The following NUMB variants were observed in gnomAD, a reference collection of about 807,000 sequenced individuals.
NUMB encodes protein numb homolog.
In NUMB, 29 loss-of-function variants were observed where a neutral mutation model predicts 59.7. The observed-to-expected ratio is 0.49, with a 90% CI of 0.36 to 0.66. The LOEUF (loss-of-function observed/expected upper bound fraction) is 0.66. Among genes scored for constraint, NUMB ranks in the 30% least tolerant of loss-of-function variants. NUMB has a pLI of 0.00. For missense variants in NUMB, 723 were observed against 822.0 expected (o/e 0.88, Z 1.47); for synonymous variants, 288 against 288.2 (o/e 1.00, Z 0.01).
At chr14:73,289,017 C>G (rs777159679) in intron 8 of NUMB, among the ~76,000 whole-genome samples, 27 of 152,134 alleles carry the variant, frequency 1.8e-4, no homozygotes, top group Non-Finnish European at 3.7e-4. Flanking sequence ...CATAATGAGA[C>G]CCTGTCTCAA....
intron 1 of NUMB, among the ~76,000 whole-genome samples, chr14:73,424,810 T>G (rs1897511899): frequency 6.6e-6 from 1 of 152,230 alleles, no homozygotes. Flanking sequence ...AAAAACTAAT[T>G]TAACTGACCG....
At chr14:73,325,904 T>C (rs569097685) in intron 4 of NUMB, among the ~76,000 whole-genome samples, 2 of 152,266 alleles carry the variant, frequency 1.3e-5, no homozygotes, top group Non-Finnish European at 2.9e-5. Flanking sequence ...TGCCTCTCTG[T>C]TTGGTAGAAT....
Position 73,323,112 on chromosome 14 carries a change from C to T in NUMB, c.201+18G>A. On this transcript the variant is annotated intron_variant, in intron 5 of 12. Coordinates refer to ENST00000555238, the MANE Select transcript of NUMB (RefSeq NM_001005743.2). ...TTGATAGCATATAGATCAACACTGG[C>T]AACCATCAAATACATACAGCTTTCA... The T allele has an allele frequency of 6.3e-7, 1 of 1,591,796 alleles. No homozygotes were observed. Among genetic ancestry groups the T allele is most frequent in the Non-Finnish European group, 8.6e-7 (1 of 1,160,916 alleles).
At chr14:73,366,850 T>C (rs1894367700) in intron 3 of NUMB, 47 bp downstream of exon 3, 1 of 152,216 alleles carries the variant, frequency 6.6e-6, no homozygotes, top group Admixed American at 6.5e-5. Flanking sequence ...ACTTCACAGC[T>C]ATTTCAGATT....
At chr14:73,327,717 T>C (rs1298117217) in intron 4 of NUMB, among the ~76,000 whole-genome samples, 1 of 152,192 alleles carries the variant, frequency 6.6e-6, no homozygotes, top group Admixed American at 6.5e-5. Flanking sequence ...CTAGCTCATA[T>C]ACATGGTCCT....
rs535226209 is a variant in NUMB at position 73,358,984 on chromosome 14, T to C, written c.-15-3218A>G. On this transcript the variant is annotated intron_variant, in intron 3 of 12. Coordinates refer to ENST00000555238, the MANE Select transcript of NUMB (RefSeq NM_001005743.2). ...CAAAGGAACCACTGACAACTTCCAT[T>C]AAAAGAGGACATCCAACCTCTGTCT... 1.5e-4 allele frequency among the ~76,000 whole-genome samples: 23 copies of C among 152,258 alleles called. 2 individuals are homozygous for C. In the South Asian group the frequency reaches 4.8e-3, roughly 32 times the overall value.
intron 3 of NUMB, among the ~76,000 whole-genome samples, chr14:73,362,373 G>C (rs997631523): frequency 2.3e-5 from 3 of 131,722 alleles, no homozygotes; most frequent in African/African-American, 9.2e-5. Flanking sequence ...TAAAGTGTGA[G>C]AGAAAGAGGG....
chr14:73,284,700 T>G, intron 9 of NUMB: 1 of 204,618 alleles, frequency 4.9e-6, no homozygotes, highest in Non-Finnish European at 9.9e-6. Context: ...TAAAGAATGA[T>G]TCATGATTTT....
intron 2 of NUMB, among the ~76,000 whole-genome samples, chr14:73,394,919 A>T (rs1451125504): frequency 1.3e-5 from 2 of 152,170 alleles, no homozygotes; most frequent in African/African-American, 4.8e-5. Context: ...TTGTTTTTTA[A>T]TAAAGCCACA....
In NUMB at chr14:73,355,727, T is replaced by C; in HGVS notation, c.25A>G (p.Arg9Gly). The C allele has an allele frequency of 6.2e-7, 1 of 1,612,952 alleles. No homozygotes were observed. The highest frequency in any genetic ancestry group is 8.5e-7 in the Non-Finnish European group (1 of 1,179,174). The change falls in exon 4 of 13, where the codon AGG becomes GGG. Residue 9 changes from arginine (R) to glycine (G), a missense_variant. Transcript: ENST00000555238. MNKLRQSF[R>G]RKKDVYVPEA... ...GGAACATAAACATCCTTCTTTCTCCTAAAACTTTGCCGTAATTTGTTCATT... is the reference window on the plus strand; with the variant it reads ...GGAACATAAACATCCTTCTTTCTCCCAAAACTTTGCCGTAATTTGTTCATT...
At chr14:73,425,738 G>A (rs1319221145) in intron 1 of NUMB, among the ~76,000 whole-genome samples, 1 of 151,930 alleles carries the variant, frequency 6.6e-6, no homozygotes, top group Non-Finnish European at 1.5e-5. Context: ...ATGTGTATAA[G>A]TGTGTATAAT....
At chr14:73,419,082 A>G (rs1897246189) in intron 1 of NUMB, among the ~76,000 whole-genome samples, 1 of 152,228 alleles carries the variant, frequency 6.6e-6, no homozygotes, top group Admixed American at 6.5e-5. Flanking sequence ...TGATGACATA[A>G]GATTAAAGTT....
intron 7 of NUMB, among the ~76,000 whole-genome samples, chr14:73,295,205 T>C (rs966979963): frequency 6.6e-5 from 10 of 152,088 alleles, no homozygotes; most frequent in African/African-American, 2.2e-4. Flanking sequence ...TCATAAAAAT[T>C]TGTGCAGATC....
chr14:73,415,310 A>G (rs1358418083), intron 1 of NUMB, among the ~76,000 whole-genome samples: 1 of 88,748 alleles, frequency 1.1e-5, no homozygotes, highest in Non-Finnish European at 2.6e-5. Context: ...TGCAAGAAAC[A>G]ACATTGTTAC....
chr14:73,367,120 A>G (rs1374777222), intron 2 of NUMB, 139 bp from the exon 3 acceptor site: 1 of 151,988 alleles, frequency 6.6e-6, no homozygotes, highest in Non-Finnish European at 1.5e-5. Context: ...AGACTTTATT[A>G]TAATGATATA....
chr14:73,352,521 T>TG (rs1566756423), intron 4 of NUMB, among the ~76,000 whole-genome samples: 1 of 24,966 alleles, frequency 4.0e-5, no homozygotes, highest in Non-Finnish European at 7.5e-5. Context: ...TATATATATA[T>TG]ATATATATGT....
chr14:73,364,843 G>T (rs1894261242), intron 3 of NUMB, among the ~76,000 whole-genome samples: 1 of 152,018 alleles, frequency 6.6e-6, no homozygotes, highest in South Asian at 2.1e-4. Flanking sequence ...TTGCTATGTT[G>T]CCCAGGCTGA....
At chr14:73,374,170 G>A (rs576836417) in intron 2 of NUMB, among the ~76,000 whole-genome samples, 5 of 152,002 alleles carry the variant, frequency 3.3e-5, no homozygotes, top group African/African-American at 9.6e-5. Flanking sequence ...ACGCCCAGCC[G>A]CTCAGCTAAT....
intron 4 of NUMB, among the ~76,000 whole-genome samples, chr14:73,331,314 G>C (rs774375285): frequency 6.6e-6 from 1 of 152,162 alleles, no homozygotes; most frequent in Non-Finnish European, 1.5e-5. Flanking sequence ...GGGAGGCCGA[G>C]GTGGGAGGAT....
Sources: gnomAD v4.1 joint callset for allele counts (sites outside exome capture counted in the v4.1 genomes callset) on GRCh38, gnomAD v4.1.1 for gene constraint, MANE v1.5 for transcripts, NCBI Gene and HGNC (gene_info 2026-07-23, HGNC 2026-07-21) for gene names.